The following ACTG2 variants were observed in gnomAD, a reference collection of about 807,000 sequenced individuals.
ACTG2 encodes the protein actin, gamma-enteric smooth muscle.
Under a neutral mutation model 37.6 loss-of-function variants are expected in ACTG2, and 16 were observed. The ratio of observed to expected loss-of-function variants is 0.43; its 90% CI spans 0.29 to 0.65. The LOEUF (loss-of-function observed/expected upper bound fraction) is 0.65, where lower values mean the gene tolerates loss of function less well. ACTG2 is among the 30% of genes least tolerant of loss of function. The pLI is 0.18. For missense variants in ACTG2, 238 were observed against 490.9 expected (o/e 0.48, Z 4.87); for synonymous variants, 181 against 179.9 (o/e 1.01, Z -0.05).
intron 7 of ACTG2, 116 bp from the exon 8 acceptor site, chr2:73,916,468 T>G: frequency 1.2e-6 from 1 of 839,500 alleles, no homozygotes; most frequent in Non-Finnish European, 1.8e-6. Context: ...TTCTGGGAGA[T>G]ATTAAGGTTC....
At chr2:73,914,604 T>G in intron 6 of ACTG2, 76 bp from the exon 7 acceptor site, 2 of 1,238,018 alleles carry the variant, frequency 1.6e-6, no homozygotes, top group Non-Finnish European at 2.2e-6. Context: ...AGAAGGAGGT[T>G]TTCATGGAGA....
At chr2:73,909,514 C>T (rs1680083251) in intron 5 of ACTG2, among the ~76,000 whole-genome samples, 1 of 152,162 alleles carries the variant, frequency 6.6e-6, no homozygotes, top group Non-Finnish European at 1.5e-5. Context: ...AAATGTGTGT[C>T]ATTAGGTGAC....
At chr2:73,910,082 T>C (rs1680097306) in intron 5 of ACTG2, among the ~76,000 whole-genome samples, 1 of 151,804 alleles carries the variant, frequency 6.6e-6, no homozygotes. Context: ...GGACGTGGTG[T>C]CAGGCACCTG....
chr2:73,914,490 T>C (rs980034493), intron 6 of ACTG2, among the ~76,000 whole-genome samples, 190 bp from the exon 7 acceptor site: 4 of 146,526 alleles, frequency 2.7e-5, no homozygotes, highest in African/African-American at 1.0e-4. Context: ...ACTCAGGAGG[T>C]AGAGGTTGCA....
intron 1 of ACTG2, chr2:73,897,043 C>T (rs766056717): frequency 6.6e-6 from 1 of 152,342 alleles, no homozygotes; most frequent in Non-Finnish European, 1.5e-5. Flanking sequence ...TTTGGAGGCT[C>T]GACTCCGCCA....
At chr2:73,904,294 CATAATAGACAA>C (rs1236095247) in intron 3 of ACTG2, among the ~76,000 whole-genome samples, 4 of 133,772 alleles carry the variant, frequency 3.0e-5, no homozygotes, top group African/African-American at 5.5e-5. Flanking sequence ...AGGAAGAAAA[CATAATAGACAA>C]ATAATAGACA....
chr2:73,907,385 C>T (rs908793282), intron 3 of ACTG2, among the ~76,000 whole-genome samples: 2 of 152,226 alleles, frequency 1.3e-5, no homozygotes, highest in African/African-American at 4.8e-5. Flanking sequence ...GTCCCTGCTA[C>T]ACTTTGCCCA....
chr2:73,900,095 T>C (rs1019466307), intron 1 of ACTG2, among the ~76,000 whole-genome samples: 1 of 152,130 alleles, frequency 6.6e-6, no homozygotes, highest in Non-Finnish European at 1.5e-5. Flanking sequence ...GTTTTAGAAG[T>C]TCCCCTCTCC....
At chr2:73,901,250 A>G in intron 1 of ACTG2, 26 bp from the exon 2 acceptor site, 2 of 1,472,322 alleles carry the variant, frequency 1.4e-6, no homozygotes, top group South Asian at 2.7e-5. Flanking sequence ...GTGGCTGACT[A>G]GTTCTCTTCT....
intron 3 of ACTG2, among the ~76,000 whole-genome samples, chr2:73,906,960 T>A (rs1272936861): frequency 6.6e-6 from 1 of 152,126 alleles, no homozygotes; most frequent in Admixed American, 6.5e-5. Context: ...ACATTTTAAG[T>A]AGCATGGGGT....
At chr2:73,901,207 A>G (rs1679863548) in intron 1 of ACTG2, 69 bp from the exon 2 acceptor site, 3 of 1,303,738 alleles carry the variant, frequency 2.3e-6, no homozygotes, top group Non-Finnish European at 3.0e-6. Flanking sequence ...CAGGCCCCAA[A>G]GCCAAGAAAC....
intron 5 of ACTG2, among the ~76,000 whole-genome samples, chr2:73,910,786 A>G (rs1208344026): frequency 6.6e-6 from 1 of 151,650 alleles, no homozygotes; most frequent in Non-Finnish European, 1.5e-5. Flanking sequence ...CTGGTCTCGA[A>G]CTCCTGATCT....
rs568711337 is a variant in ACTG2 at position 73,897,612 on chromosome 2, T to C, written c.-36-3664T>C. On this transcript the variant is annotated intron_variant, in intron 1 of 8. Transcript: ENST00000345517. Reference sequence around the variant, plus strand: ...AGGGGGGCCACTCAGACGGCAACATTGTCATTCAATATCTATTGAACACCT... The same window carrying C: ...AGGGGGGCCACTCAGACGGCAACATCGTCATTCAATATCTATTGAACACCT... Among the ~76,000 whole-genome samples, 7 of 152,344 alleles carry C rather than the reference T, an allele frequency of 4.6e-5. No homozygotes were observed. In the South Asian group the frequency reaches 8.3e-4, roughly 18 times the overall value.
At chr2:73,917,792 G>A (rs778927251) in intron 8 of ACTG2, among the ~76,000 whole-genome samples, 2 of 152,166 alleles carry the variant, frequency 1.3e-5, no homozygotes, top group Non-Finnish European at 2.9e-5. Flanking sequence ...AGAACCTGTG[G>A]GCTCTTCTCA....
chr2:73,901,531 A>C, intron 2 of ACTG2, 94 bp downstream of exon 2: 1 of 1,202,122 alleles, frequency 8.3e-7, no homozygotes, highest in East Asian at 4.1e-5. Flanking sequence ...AGGGGAAGGA[A>C]ATGTGTGTGT....
intron 1 of ACTG2, chr2:73,897,346 G>A (rs1477728375): frequency 6.6e-6 from 1 of 152,336 alleles, no homozygotes; most frequent in East Asian, 1.9e-4. Flanking sequence ...GTTGCTGAGG[G>A]GACCCTAGAG....
chr2:73,902,838 TC>T (rs2104808161), intron 3 of ACTG2: 2 of 1,430,660 alleles, frequency 1.4e-6, no homozygotes, highest in South Asian at 2.7e-5. Context: ...GGTTCCTAAC[TC>T]CCCGTCTTGG....
At chr2:73,915,218 G>A (rs1245412857) in intron 7 of ACTG2, among the ~76,000 whole-genome samples, 1 of 140,890 alleles carries the variant, frequency 7.1e-6, no homozygotes, top group Non-Finnish European at 1.5e-5. Flanking sequence ...CATATTGCAT[G>A]GATAAAAGAC....
rs1026867635 is a variant in ACTG2 at position 73,919,818 on chromosome 2, C to T, written c.*243C>T. 4 of 348,722 alleles carry T rather than the reference C, an allele frequency of 1.1e-5. No homozygotes were observed. Among genetic ancestry groups the T allele is most frequent in the Non-Finnish European group, 2.0e-5 (4 of 195,708 alleles). The allele number at this position is 348,722 out of a possible 1,614,324, so 21.6% of individuals were successfully genotyped here. ...GAGGCTCAGAGAAGTCAAGGACTTG[C>T]GAAGATCACACAGATTCCAGATTAA... On this transcript the variant is annotated 3_prime_UTR_variant, in exon 9 of 9. Coordinates refer to ENST00000345517, the MANE Select transcript of ACTG2 (RefSeq NM_001615.4).
Sources: gnomAD v4.1 joint callset for allele counts (sites outside exome capture counted in the v4.1 genomes callset) on GRCh38, gnomAD v4.1.1 for gene constraint, MANE v1.5 for transcripts, NCBI Gene and HGNC (gene_info 2026-07-23, HGNC 2026-07-21) for gene names.